The following CCDC148 variants were observed in gnomAD, a reference collection of about 807,000 sequenced individuals.
The protein encoded by CCDC148 is coiled-coil domain containing 148.
CCDC148 carries 89 observed loss-of-function variants against 85.7 expected under a neutral mutation model. The observed-to-expected ratio is 1.04, with a 90% CI of 0.87 to 1.24. CCDC148 has a LOEUF of 1.24. CCDC148 is among the 50% of genes most tolerant of loss of function. CCDC148 has a pLI of 0.00. For synonymous variants in CCDC148, 230 were observed against 213.9 expected (o/e 1.08, Z -0.66); for missense variants, 692 against 671.7 (o/e 1.03, Z -0.33).
chr2:158,354,342 A>C (rs1436569027), intron 2 of CCDC148, among the ~76,000 whole-genome samples: 1 of 152,136 alleles, frequency 6.6e-6, no homozygotes, highest in Non-Finnish European at 1.5e-5. Flanking sequence ...AAGACTAATA[A>C]AGAAAAAAAG....
At chr2:158,302,977 T>C (rs971692011) in intron 9 of CCDC148, among the ~76,000 whole-genome samples, 2 of 151,970 alleles carry the variant, frequency 1.3e-5, no homozygotes, top group African/African-American at 2.4e-5. Flanking sequence ...TTTACTCTCA[T>C]CCTCTGGTGA....
chr2:158,284,345 A>G (rs899562721), intron 9 of CCDC148, among the ~76,000 whole-genome samples: 12 of 152,146 alleles, frequency 7.9e-5, no homozygotes, highest in Non-Finnish European at 1.6e-4. Flanking sequence ...AAACTAAAAA[A>G]TAACTATTCA....
intron 2 of CCDC148, among the ~76,000 whole-genome samples, chr2:158,357,551 T>C (rs945027055): frequency 6.6e-6 from 1 of 152,180 alleles, no homozygotes; most frequent in African/African-American, 2.4e-5. Context: ...GATAGTAATA[T>C]AAGTGACTTT....
chr2:158,286,103 A>C (rs1185595547), intron 9 of CCDC148, among the ~76,000 whole-genome samples: 6 of 152,194 alleles, frequency 3.9e-5, no homozygotes, highest in Non-Finnish European at 8.8e-5. Flanking sequence ...TATTAATATT[A>C]GTATACCAAG....
chr2:158,358,556 G>A lies in CCDC148; in HGVS notation c.40C>T (p.His14Tyr). 6.3e-7 allele frequency: 1 copy of A among 1,576,700 alleles called. No individual in the cohort carries two copies. The highest frequency in any genetic ancestry group is 1.2e-5 in the South Asian group (1 of 86,450). ...ATGTTTCTCATCTCATTTTTCATAT[G>A]GAATACCAGATTATCTATTAGTCAT... ...ASASPDNLVF[H>Y]MKNEMRNIKY... Residue 14 changes from histidine (H) to tyrosine (Y), a missense_variant, in exon 2 of 14, where the codon CAT becomes TAT. Transcript: ENST00000283233.
chr2:158,439,450 G>A (rs1396158796), intron 1 of CCDC148, among the ~76,000 whole-genome samples: 4 of 152,070 alleles, frequency 2.6e-5, no homozygotes, highest in African/African-American at 9.7e-5. Flanking sequence ...CACAGGGTGG[G>A]GAACGTCACA....
intron 7 of CCDC148, among the ~76,000 whole-genome samples, chr2:158,318,492 G>C (rs1224472514): frequency 1.3e-5 from 2 of 152,170 alleles, no homozygotes; most frequent in African/African-American, 2.4e-5. Flanking sequence ...TTCTAAAAGT[G>C]ATGGCTTTGG....
intron 1 of CCDC148, among the ~76,000 whole-genome samples, chr2:158,450,410 T>G (rs1688358547): frequency 6.6e-6 from 1 of 152,230 alleles, no homozygotes; most frequent in Non-Finnish European, 1.5e-5. Context: ...CAGCTGGAGA[T>G]GATGGGTGAC....
chr2:158,220,338 T>C (rs1371523101), intron 11 of CCDC148, among the ~76,000 whole-genome samples: 1 of 152,194 alleles, frequency 6.6e-6, no homozygotes, highest in African/African-American at 2.4e-5. Context: ...CAGTGGGTAA[T>C]CAAATACTAT....
At chr2:158,199,009 T>C (rs944964596) in intron 11 of CCDC148, among the ~76,000 whole-genome samples, 1 of 151,970 alleles carries the variant, frequency 6.6e-6, no homozygotes, top group African/African-American at 2.4e-5. Flanking sequence ...TTGGGACCAG[T>C]AGAGATTAGT....
chr2:158,270,118 T>A (rs1448319176), intron 9 of CCDC148, among the ~76,000 whole-genome samples: 1 of 152,178 alleles, frequency 6.6e-6, no homozygotes, highest in Non-Finnish European at 1.5e-5. Context: ...ATTAGAATCA[T>A]AAGGAGATAT....
intron 9 of CCDC148, among the ~76,000 whole-genome samples, chr2:158,272,677 G>A (rs1251539817): frequency 6.6e-6 from 1 of 152,166 alleles, no homozygotes; most frequent in Admixed American, 6.5e-5. Flanking sequence ...GCAGCCAAAT[G>A]CAGGTCTGAT....
chr2:158,353,625 A>C (rs528433279), intron 2 of CCDC148, among the ~76,000 whole-genome samples: 1 of 152,066 alleles, frequency 6.6e-6, no homozygotes, highest in Non-Finnish European at 1.5e-5. Flanking sequence ...CACATTAATA[A>C]TGGGAGACTT....
intron 9 of CCDC148, among the ~76,000 whole-genome samples, chr2:158,283,012 AAAAC>A (rs1344756304): frequency 2.0e-5 from 3 of 152,214 alleles, no homozygotes; most frequent in Non-Finnish European, 1.5e-5. Context: ...AAACCTGAGA[AAAAC>A]AAGCAATGGG....
chr2:158,275,312 G>C (rs1159292543), intron 9 of CCDC148, among the ~76,000 whole-genome samples: 1 of 152,174 alleles, frequency 6.6e-6, no homozygotes, highest in Non-Finnish European at 1.5e-5. Context: ...AGATAGCTCT[G>C]ATGACAGGAA....
At chr2:158,372,128 C>G (rs1031144258) in intron 1 of CCDC148, among the ~76,000 whole-genome samples, 2 of 151,998 alleles carry the variant, frequency 1.3e-5, no homozygotes, top group African/African-American at 4.8e-5. Context: ...AGTGGAGCCT[C>G]TCATGCCCTT....
chr2:158,431,232 A>G (rs1447475361), intron 1 of CCDC148, among the ~76,000 whole-genome samples: 5 of 152,036 alleles, frequency 3.3e-5, no homozygotes, highest in Non-Finnish European at 2.9e-5. Flanking sequence ...AAGAATACCA[A>G]TGAACCACAA....
intron 9 of CCDC148, among the ~76,000 whole-genome samples, chr2:158,260,116 G>A (rs754836250): frequency 7.2e-5 from 11 of 151,844 alleles, no homozygotes; most frequent in Non-Finnish European, 1.5e-4. Context: ...TAAGCTCCAT[G>A]ATAGCAGGGA....
At chr2:158,251,686 T>C (rs1429961868) in intron 9 of CCDC148, among the ~76,000 whole-genome samples, 1 of 151,808 alleles carries the variant, frequency 6.6e-6, no homozygotes, top group African/African-American at 2.4e-5. Flanking sequence ...ATACAATGAC[T>C]GCCATTGAAA....
Sources: allele counts gnomAD v4.1 joint callset (sites outside exome capture counted in the v4.1 genomes callset), GRCh38; gene constraint gnomAD v4.1.1; transcripts MANE v1.5; gene names NCBI Gene and HGNC (gene_info 2026-07-23, HGNC 2026-07-21).